Variants in WNT7A observed in about 807,000 individuals in gnomAD.
The protein encoded by WNT7A is protein Wnt-7a.
In WNT7A, 16 loss-of-function variants were observed where a neutral mutation model predicts 28.2. That is an observed-to-expected ratio of 0.57 (90% CI 0.38 to 0.86). The LOEUF is 0.86. Ranked by LOEUF, WNT7A falls within the 40% of genes least tolerant of loss-of-function variation. The pLI is 0.00. For missense variants in WNT7A, 411 were observed against 489.7 expected (o/e 0.84, Z 1.52); for synonymous variants, 190 against 195.9 (o/e 0.97, Z 0.25).
intron 3 of WNT7A, among the ~76,000 whole-genome samples, chr3:13,845,866 G>A (rs1397349987): frequency 6.6e-6 from 1 of 152,200 alleles, no homozygotes; most frequent in Non-Finnish European, 1.5e-5. Flanking sequence ...TGGAAGGATC[G>A]GAGGAGAAGA....
rs569287841 is a variant in WNT7A, at chr3:13,819,432, G to C, written c.571-9C>G. 251 of 1,611,138 alleles carry C rather than the reference G, an allele frequency of 1.6e-4. 1 individual carries two copies. Among genetic ancestry groups the C allele is most frequent in the East Asian group, 1.3e-4 (6 of 44,882 alleles). ...ATGTTCTCCTCCAGGATCTGCAGGG[G>C]AGGGCGGGGAAGAGCACAGCACAGG... is the stretch of plus-strand genomic sequence containing the variant. On this transcript the variant is annotated splice_polypyrimidine_tract_variant and intron_variant, in intron 3 of 3. Transcript: ENST00000285018.
chr3:13,818,669 G>A lies in WNT7A; in HGVS notation c.*275C>T. 3.1e-6 allele frequency: 1 copy of A among 320,408 alleles called. No individual in the cohort carries two copies. Among genetic ancestry groups the A allele is most frequent in the Non-Finnish European group, 5.7e-6 (1 of 176,212 alleles). The allele number at this position is 320,408 out of a possible 1,614,324, so 19.8% of individuals were successfully genotyped here. ...AATATTGCTGTGATGAGGCCCAGGG[G>A]TCCAGAGTTCCTGCTGCAGAAGGCT... On this transcript the variant is annotated 3_prime_UTR_variant, in exon 4 of 4. Transcript: ENST00000285018.
rs187976269 is a variant in WNT7A, at chr3:13,877,610, T to C, written c.71+2136A>G. ...GGTTCTCATCCAAGCTTCCTTCACT[T>C]ATTAGTTGTGCGATCTTAGGCAAGT... On this transcript the variant is annotated intron_variant, in intron 1 of 3. Coordinates refer to ENST00000285018, the MANE Select transcript of WNT7A (RefSeq NM_004625.4). 2.0e-5 allele frequency among the ~76,000 whole-genome samples: 3 copies of C among 152,308 alleles called. No individual in the cohort carries two copies. In the East Asian group the frequency reaches 5.8e-4, roughly 29 times the overall value.
chr3:13,820,640 G>A (rs546338346), intron 3 of WNT7A, among the ~76,000 whole-genome samples: 43 of 152,206 alleles, frequency 2.8e-4, no homozygotes, highest in Admixed American at 2.7e-3. Flanking sequence ...CAAAAAACTC[G>A]CTAGTCTTGC....
chr3:13,838,729 C>A (rs1002494675), intron 3 of WNT7A, among the ~76,000 whole-genome samples: 1 of 152,150 alleles, frequency 6.6e-6, no homozygotes, highest in Non-Finnish European at 1.5e-5. Context: ...CTGGGTCTCC[C>A]CAGCTAGTCT....
intron 3 of WNT7A, among the ~76,000 whole-genome samples, chr3:13,838,931 A>G (rs1407338793): frequency 6.6e-6 from 1 of 152,256 alleles, no homozygotes; most frequent in Non-Finnish European, 1.5e-5. Context: ...AACAAATGCC[A>G]GACTTTAAAG....
chr3:13,818,351 C>CAGAAAAAAAAAAAAAAAA lies in WNT7A; in HGVS notation c.*592_*593insTTTTTTTTTTTTTTTTCT, dbSNP rs1694046997. ...TTTCTGGATAAGTAGCAGCAAACAG[C>CAGAAAAAAAAAAAAAAAA]AAAAAAAAAAAAAAAAATGTGTGTG... On this transcript the variant is annotated 3_prime_UTR_variant, in exon 4 of 4. Transcript: ENST00000285018. 1.3e-5 allele frequency: 1 copy of CAGAAAAAAAAAAAAAAAA among 79,952 alleles called. No homozygotes were observed. Among genetic ancestry groups the CAGAAAAAAAAAAAAAAAA allele is most frequent in the East Asian group, 5.0e-4 (1 of 2,020 alleles). The allele number at this position is 79,952 out of a possible 1,614,324, so 5.0% of individuals were successfully genotyped here. A position where few individuals can be genotyped will look rare whatever the true frequency, so the allele number is the denominator to read the frequency against.
intron 3 of WNT7A, among the ~76,000 whole-genome samples, chr3:13,841,496 T>C (rs1240396517): frequency 1.3e-5 from 2 of 152,216 alleles, no homozygotes; most frequent in East Asian, 3.8e-4. Context: ...AGTTTCCTCA[T>C]TTGTAAAAGG....
At chr3:13,853,869 C>T (rs1694681716) in intron 3 of WNT7A, among the ~76,000 whole-genome samples, 1 of 152,216 alleles carries the variant, frequency 6.6e-6, no homozygotes, top group South Asian at 2.1e-4. Context: ...TCCTGTCTGC[C>T]TCAAGGAAGT....
chr3:13,851,841 C>T (rs994374360), intron 3 of WNT7A, among the ~76,000 whole-genome samples: 2 of 152,228 alleles, frequency 1.3e-5, no homozygotes, highest in African/African-American at 2.4e-5. Flanking sequence ...CTGGGACCCC[C>T]GACCTGAGCG....
chr3:13,817,779 G>A lies in WNT7A; in HGVS notation c.*1165C>T, dbSNP rs3796315. ...GAACTGGCCTCTGCTGCAGGATGACGGTCAAGTCCCTGTGAGGGGCACGAT... is the reference window on the plus strand; with the variant it reads ...GAACTGGCCTCTGCTGCAGGATGACAGTCAAGTCCCTGTGAGGGGCACGAT... On this transcript the variant is annotated 3_prime_UTR_variant, in exon 4 of 4. Transcript: ENST00000285018. 0.024 allele frequency: 3,676 copies of A among 152,366 alleles called. 181 individuals carry two copies. Among genetic ancestry groups the A allele is most frequent in the South Asian group, 0.22 (1,065 of 4,824 alleles). 9.4% of individuals were successfully genotyped at this position (152,366 alleles called of 1,614,324 possible).
intron 3 of WNT7A, among the ~76,000 whole-genome samples, chr3:13,844,660 A>T (rs1694510981): frequency 6.6e-6 from 1 of 152,228 alleles, no homozygotes; most frequent in Admixed American, 6.5e-5. Context: ...CACTGTGAGC[A>T]GCCTTGACAG....
intron 3 of WNT7A, among the ~76,000 whole-genome samples, chr3:13,841,653 C>T (rs1176143615): frequency 2.0e-5 from 3 of 152,210 alleles, no homozygotes; most frequent in Non-Finnish European, 4.4e-5. Flanking sequence ...GAACAAATAT[C>T]GAAGGCACAG....
intron 3 of WNT7A, among the ~76,000 whole-genome samples, chr3:13,851,196 G>A (rs1694632057): frequency 6.6e-6 from 1 of 152,144 alleles, no homozygotes; most frequent in South Asian, 2.1e-4. Context: ...CTCTATCCCA[G>A]ACAGGGCCAG....
chr3:13,869,612 G>C (rs749135734), intron 2 of WNT7A, among the ~76,000 whole-genome samples: 2 of 127,596 alleles, frequency 1.6e-5, no homozygotes, highest in Non-Finnish European at 3.2e-5. Flanking sequence ...GGAAGAAAGA[G>C]AGAAAGAGAA....
chr3:13,842,924 T>C (rs1694484945), intron 3 of WNT7A, among the ~76,000 whole-genome samples: 1 of 152,132 alleles, frequency 6.6e-6, no homozygotes, highest in Non-Finnish European at 1.5e-5. Context: ...CTTGGGTATG[T>C]GTGGCATGGG....
Position 13,856,981 on chromosome 3 carries a change from A to AAGG in WNT7A, c.299-2179_299-2178insCCT, listed in dbSNP as rs755704645. Among the ~76,000 whole-genome samples the AAGG allele has an allele frequency of 7.0e-4, 55 of 78,742 alleles. 2 individuals are homozygous for AAGG. Among genetic ancestry groups the AAGG allele is most frequent in the African/African-American group, 3.3e-3 (41 of 12,592 alleles). The allele number at this position is 78,742 out of a possible 152,430, so 51.7% of individuals were successfully genotyped here. ...GAAGAAGAAGAAGGAGAAGAAGAAG[A>AAGG]AGAAGGAGAAGAAGAAGAAGAAGAA... is the stretch of plus-strand genomic sequence containing the variant. On this transcript the variant is annotated intron_variant, in intron 2 of 3. Transcript: ENST00000285018.
chr3:13,824,892 T>C (rs1156937461), intron 3 of WNT7A, among the ~76,000 whole-genome samples: 1 of 152,106 alleles, frequency 6.6e-6, no homozygotes, highest in Non-Finnish European at 1.5e-5. Flanking sequence ...GATCCACCAG[T>C]GGGGACTGGT....
At chr3:13,855,258 A>G (rs936919861) in intron 2 of WNT7A, among the ~76,000 whole-genome samples, 3 of 152,246 alleles carry the variant, frequency 2.0e-5, no homozygotes, top group African/African-American at 7.2e-5. Context: ...TCCCAGGAAC[A>G]TCAATCCCTG....
Sources: allele counts gnomAD v4.1 joint callset (sites outside exome capture counted in the v4.1 genomes callset), GRCh38; gene constraint gnomAD v4.1.1; transcripts MANE v1.5; gene names NCBI Gene and HGNC (gene_info 2026-07-23, HGNC 2026-07-21).